HSF2BP: variants seen among roughly 807,000 people sequenced by gnomAD.
The protein encoded by HSF2BP is heat shock transcription factor 2 binding protein, also known as heat shock factor 2-binding protein.
Under a neutral mutation model 35.0 loss-of-function variants are expected in HSF2BP, and 35 were observed. The ratio of observed to expected loss-of-function variants is 1.00; its 90% CI spans 0.76 to 1.32. HSF2BP has a LOEUF of 1.32. HSF2BP is among the 40% of genes most tolerant of loss of function. HSF2BP has a pLI of 0.00. For synonymous variants in HSF2BP, 114 were observed against 117.4 expected, an observed-to-expected ratio of 0.97 and a Z score of 0.18; for missense variants, 326 against 321.7, an observed-to-expected ratio of 1.01 and a Z score of -0.10.
intron 7 of HSF2BP, among the ~76,000 whole-genome samples, chr21:43,602,237 A>G (rs1029809604): frequency 6.6e-6 from 1 of 152,238 alleles, no homozygotes; most frequent in East Asian, 1.9e-4. Context: ...TAGTTCTAAA[A>G]GGCTGCTATT....
chr21:43,615,772 A>T (rs1307229016), intron 6 of HSF2BP, among the ~76,000 whole-genome samples: 1 of 152,210 alleles, frequency 6.6e-6, no homozygotes, highest in African/African-American at 2.4e-5. Context: ...GGAGAAAAAC[A>T]AAGCAAGTAA....
intron 7 of HSF2BP, among the ~76,000 whole-genome samples, chr21:43,595,759 T>G (rs1435631241): frequency 7.7e-6 from 1 of 129,918 alleles, no homozygotes; most frequent in African/African-American, 3.6e-5. Flanking sequence ...TTTTTTTTTT[T>G]GTGAAACAGA....
chr21:43,657,606 A>C (rs2147141970), intron 2 of HSF2BP, among the ~76,000 whole-genome samples: 1 of 152,370 alleles, frequency 6.6e-6, no homozygotes, highest in South Asian at 2.1e-4. Flanking sequence ...TGGAAGCAGG[A>C]TGTGAACACG....
chr21:43,645,816 A>C (rs1039461513), intron 3 of HSF2BP, among the ~76,000 whole-genome samples: 5 of 152,314 alleles, frequency 3.3e-5, no homozygotes, highest in Non-Finnish European at 5.9e-5. Context: ...GACAAGAGGA[A>C]GCCAGAATAA....
intron 8 of HSF2BP, among the ~76,000 whole-genome samples, chr21:43,591,320 T>C (rs1235382163): frequency 1.3e-5 from 2 of 152,182 alleles, no homozygotes; most frequent in African/African-American, 4.8e-5. Context: ...TCTTTCCAAT[T>C]TCTTTTTACC....
At chr21:43,612,650 CA>C (rs762585967) in intron 7 of HSF2BP, among the ~76,000 whole-genome samples, 2,129 of 76,396 alleles carry the variant, frequency 0.028, 9 homozygotes, top group Middle Eastern at 0.076. Context: ...GACTCCGTCT[CA>C]AAAAAAAAAA....
At chr21:43,643,772 C>T (rs1037102276) in intron 4 of HSF2BP, among the ~76,000 whole-genome samples, 21 of 152,118 alleles carry the variant, frequency 1.4e-4, no homozygotes, top group African/African-American at 4.3e-4. Context: ...TCCTGGCTAA[C>T]ACAATGAAAC....
chr21:43,656,554 T>TA (rs1372355147), intron 3 of HSF2BP, 33 bp downstream of exon 3: 1 of 1,593,082 alleles, frequency 6.3e-7, no homozygotes, highest in Non-Finnish European at 8.6e-7. Context: ...AAATTACTGT[T>TA]ACCACCAATG....
At chr21:43,600,444 T>C (rs1162899329) in intron 7 of HSF2BP, among the ~76,000 whole-genome samples, 1 of 152,144 alleles carries the variant, frequency 6.6e-6, no homozygotes, top group Non-Finnish European at 1.5e-5. Context: ...GTACAATAAG[T>C]AATAAAATTC....
At chr21:43,467,933 ACACACACACAC>A in the HSF2BP span, among the ~76,000 whole-genome samples, 1 of 34,110 alleles carries the variant, frequency 2.9e-5, no homozygotes, top group Non-Finnish European at 5.8e-5. Context: ...ACCACACACC[ACACACACACAC>A]CACACACACC....
chr21:43,583,261 A>G (rs1601619168), intron 8 of HSF2BP, among the ~76,000 whole-genome samples: 1 of 46,838 alleles, frequency 2.1e-5, no homozygotes, highest in Non-Finnish European at 3.8e-5. Flanking sequence ...CTGCTGAGGG[A>G]GATGAAGGGC....
chr21:43,621,261 T>G (rs2082328247), intron 6 of HSF2BP, among the ~76,000 whole-genome samples: 1 of 152,206 alleles, frequency 6.6e-6, no homozygotes, highest in South Asian at 2.1e-4. Context: ...GCACAGTAGC[T>G]CATGCCTGTA....
At chr21:43,575,481 G>A (rs1039560798) in intron 8 of HSF2BP, among the ~76,000 whole-genome samples, 4 of 152,176 alleles carry the variant, frequency 2.6e-5, no homozygotes, top group Admixed American at 6.5e-5. Context: ...ACAAACTGCC[G>A]GCCTGATTCT....
chr21:43,591,528 T>A (rs1754187228), intron 8 of HSF2BP, among the ~76,000 whole-genome samples: 1 of 152,132 alleles, frequency 6.6e-6, no homozygotes, highest in African/African-American at 2.4e-5. Context: ...AGAACTAGAG[T>A]AAACTTAACA....
chr21:43,616,471 C>G (rs1362045469), intron 6 of HSF2BP, among the ~76,000 whole-genome samples: 2 of 152,046 alleles, frequency 1.3e-5, no homozygotes, highest in Admixed American at 6.6e-5. Context: ...TGGCAAAACC[C>G]TGTCTCTACT....
At chr21:43,592,754 G>A (rs1030697108) in intron 7 of HSF2BP, among the ~76,000 whole-genome samples, 1 of 152,078 alleles carries the variant, frequency 6.6e-6, no homozygotes. Flanking sequence ...TGACATCCAG[G>A]TAGCCAGGTC....
In HSF2BP at chr21:43,597,048, G is replaced by C. The variant is rs77003380; in HGVS notation, c.693-4720C>G. Among the ~76,000 whole-genome samples the C allele has an allele frequency of 0.039, 5,961 of 152,180 alleles. 409 individuals carry two copies. The highest frequency in any genetic ancestry group is 0.14 in the African/African-American group (5,606 of 41,466). Reference sequence around the variant, plus strand: ...GAGTCCAGGGTCACCAGGGTGGAAAGAAAGGGAAGAAGATACCTAGAAAGG... The same window carrying C: ...GAGTCCAGGGTCACCAGGGTGGAAACAAAGGGAAGAAGATACCTAGAAAGG... On this transcript the variant is annotated intron_variant, in intron 7 of 8. Coordinates refer to ENST00000291560, the MANE Select transcript of HSF2BP (RefSeq NM_007031.2). This position sits in a 1 kb window ranked among gnomAD's most constrained non-coding sequence, Gnocchi z 4.3.
At chr21:43,642,433 T>C (rs1269467765) in intron 4 of HSF2BP, among the ~76,000 whole-genome samples, 2 of 152,206 alleles carry the variant, frequency 1.3e-5, no homozygotes, top group African/African-American at 4.8e-5. Flanking sequence ...CAACAGAGAC[T>C]ACAGCAAAGG....
chr21:43,610,734 A>G (rs2082194045), intron 7 of HSF2BP, among the ~76,000 whole-genome samples: 2 of 152,346 alleles, frequency 1.3e-5, no homozygotes, highest in South Asian at 4.1e-4. Context: ...GCAGGTAGAA[A>G]TGTACACTAT....
Sources: allele counts gnomAD v4.1 joint callset (sites outside exome capture counted in the v4.1 genomes callset), GRCh38; gene constraint gnomAD v4.1.1; non-coding constraint Gnocchi (gnomAD v3.1); transcripts MANE v1.5; gene names NCBI Gene and HGNC (gene_info 2026-07-23, HGNC 2026-07-21).